Variants in STX8 observed in about 807,000 individuals in gnomAD.
STX8 encodes the protein syntaxin 8.
Under a neutral mutation model 37.5 loss-of-function variants are expected in STX8, and 23 were observed. The ratio of observed to expected loss-of-function variants is 0.61; its 90% CI spans 0.44 to 0.87. STX8 has a LOEUF of 0.87. Among genes scored for constraint, STX8 ranks in the 40% least tolerant of loss-of-function variants. STX8 has a pLI of 0.00. For missense variants in STX8, 313 were observed against 284.7 expected, an observed-to-expected ratio of 1.10 and a Z score of -0.71; for synonymous variants, 115 against 99.1, an observed-to-expected ratio of 1.16 and a Z score of -0.95.
At chr17:9,355,654 C>T (rs369435313) in intron 7 of STX8, among the ~76,000 whole-genome samples, 33 of 152,096 alleles carry the variant, frequency 2.2e-4, no homozygotes, top group Middle Eastern at 3.4e-3. Flanking sequence ...GGATTACAGG[C>T]GCGCTCCACC....
intron 7 of STX8, among the ~76,000 whole-genome samples, chr17:9,271,903 C>A (rs12944138): frequency 6.6e-6 from 1 of 152,030 alleles, no homozygotes; most frequent in African/African-American, 2.4e-5. Context: ...TAGAAGAAAC[C>A]GTGGCTTTCT....
At chr17:9,545,936 A>G (rs1191810995) in intron 3 of STX8, among the ~76,000 whole-genome samples, 2 of 152,174 alleles carry the variant, frequency 1.3e-5, no homozygotes, top group African/African-American at 4.8e-5. Context: ...TGGCTCAGTG[A>G]TTCCTTAGGT....
intron 6 of STX8, among the ~76,000 whole-genome samples, chr17:9,471,550 A>G (rs1320421317): frequency 6.6e-6 from 1 of 152,118 alleles, no homozygotes; most frequent in African/African-American, 2.4e-5. Context: ...ATTAACTGGT[A>G]AGAGTGGCAA....
At chr17:9,542,397 G>T (rs1242429131) in intron 4 of STX8, among the ~76,000 whole-genome samples, 3 of 150,248 alleles carry the variant, frequency 2.0e-5, no homozygotes. Flanking sequence ...AAAAACAAGG[G>T]CCGGGAGCTG....
chr17:9,331,218 A>C (rs1437672137), intron 7 of STX8, among the ~76,000 whole-genome samples: 1 of 152,172 alleles, frequency 6.6e-6, no homozygotes, highest in African/African-American at 2.4e-5. Context: ...CAGCATATGT[A>C]CATATATCAC....
chr17:9,397,481 T>C (rs905153090), intron 6 of STX8, among the ~76,000 whole-genome samples: 11 of 152,144 alleles, frequency 7.2e-5, no homozygotes, highest in African/African-American at 2.7e-4. Flanking sequence ...AATGATAGTC[T>C]ACAGATAAGC....
At chr17:9,428,620 GA>G (rs1397997331) in intron 6 of STX8, among the ~76,000 whole-genome samples, 1 of 152,196 alleles carries the variant, frequency 6.6e-6, no homozygotes, top group African/African-American at 2.4e-5. Flanking sequence ...CTGTCTGATA[GA>G]AATGTAATGT....
chr17:9,538,558 T>C (rs962384300), intron 4 of STX8, among the ~76,000 whole-genome samples: 1 of 152,246 alleles, frequency 6.6e-6, no homozygotes, highest in Non-Finnish European at 1.5e-5. Flanking sequence ...GGAAATATCA[T>C]GTTTTGTCAG....
At chr17:9,557,275 G>A (rs560091608) in intron 3 of STX8, 159 bp downstream of exon 3, 2 of 593,186 alleles carry the variant, frequency 3.4e-6, no homozygotes, top group South Asian at 3.9e-5. Flanking sequence ...ACATGTAACA[G>A]ACACTTAAAA....
intron 5 of STX8, among the ~76,000 whole-genome samples, chr17:9,500,463 C>T (rs1836173115): frequency 6.6e-6 from 1 of 152,024 alleles, no homozygotes; most frequent in Non-Finnish European, 1.5e-5. Flanking sequence ...CAGCATTTTC[C>T]TCGAGTTGAG....
chr17:9,355,791 A>C (rs896433207), intron 7 of STX8, among the ~76,000 whole-genome samples: 9 of 152,190 alleles, frequency 5.9e-5, no homozygotes, highest in South Asian at 4.1e-4. Context: ...TACAGGCGTG[A>C]GCCACTGCAC....
At chr17:9,511,404 C>A (rs746811524) in intron 4 of STX8, among the ~76,000 whole-genome samples, 20 of 152,046 alleles carry the variant, frequency 1.3e-4, no homozygotes, top group Non-Finnish European at 2.6e-4. Flanking sequence ...AGATAATATA[C>A]CATGATCAAG....
intron 2 of STX8, among the ~76,000 whole-genome samples, chr17:9,562,408 GAA>G (rs112686979): frequency 2.4e-5 from 3 of 125,694 alleles, no homozygotes; most frequent in Non-Finnish European, 5.1e-5. Context: ...TCCGTCTCAG[GAA>G]AAAAAAAAAA....
At chr17:9,468,604 C>T (rs2142433037) in intron 6 of STX8, among the ~76,000 whole-genome samples, 1 of 152,314 alleles carries the variant, frequency 6.6e-6, no homozygotes, top group Non-Finnish European at 1.5e-5. Context: ...CACAGAGACG[C>T]ACCACACAGT....
chr17:9,473,739 T>C lies in STX8; in HGVS notation c.541+18090A>G, dbSNP rs1005242974. On this transcript the variant is annotated intron_variant, in intron 6 of 7. Transcript: ENST00000306357. The stretch of plus-strand genomic sequence containing the variant: ...ACAGATACAGAGGGCCAAGTATACA[T>C]ATGTTTGGTCTTTACCCCAGGTTCC... 3.9e-5 allele frequency among the ~76,000 whole-genome samples: 6 copies of C among 152,160 alleles called. No individual in the cohort carries two copies. The East Asian group carries it at 1.2e-3, about 29-fold the overall frequency.
chr17:9,251,387 G>A lies in STX8; in HGVS notation c.644-742C>T, dbSNP rs1306109934. On this transcript the variant is annotated intron_variant, in intron 7 of 7. Coordinates refer to ENST00000306357, the MANE Select transcript of STX8 (RefSeq NM_004853.3). ...AATGAGCTCACTGTCTCCCATGTTCGCTTGCCCAGTATTTAACGAGTGTTT... is the reference window on the plus strand; with the variant it reads ...AATGAGCTCACTGTCTCCCATGTTCACTTGCCCAGTATTTAACGAGTGTTT... Among the ~76,000 whole-genome samples, 6 of 152,172 alleles carry A rather than the reference G, an allele frequency of 3.9e-5. No homozygotes were observed. The East Asian group carries it at 5.8e-4, about 15-fold the overall frequency.
At chr17:9,415,494 G>A (rs556935114) in intron 6 of STX8, among the ~76,000 whole-genome samples, 9 of 151,862 alleles carry the variant, frequency 5.9e-5, no homozygotes, top group East Asian at 3.9e-4. Context: ...GCTTTTCGGC[G>A]GGTGCGGTGG....
intron 6 of STX8, among the ~76,000 whole-genome samples, chr17:9,481,741 T>C (rs112057543): frequency 0.025 from 3,783 of 152,258 alleles, 138 homozygotes; most frequent in African/African-American, 0.084. Flanking sequence ...AGCAGGCAAG[T>C]GAGCATTACT....
intron 7 of STX8, among the ~76,000 whole-genome samples, chr17:9,270,637 G>A (rs955470545): frequency 3.3e-5 from 5 of 152,150 alleles, no homozygotes; most frequent in Non-Finnish European, 2.9e-5. Flanking sequence ...TAAGTGCTCA[G>A]TAAATATGTG....
Sources: allele counts gnomAD v4.1 joint callset (sites outside exome capture counted in the v4.1 genomes callset), GRCh38; gene constraint gnomAD v4.1.1; transcripts MANE v1.5; gene names NCBI Gene and HGNC (gene_info 2026-07-23, HGNC 2026-07-21).